The following GBP5 variants were observed in gnomAD, a reference collection of about 807,000 sequenced individuals.
GBP5 encodes the protein guanylate-binding protein 5.
A neutral mutation model predicts 58.2 loss-of-function variants in GBP5; 48 were observed. The observed-to-expected ratio is 0.83, with a 90% CI of 0.65 to 1.05. GBP5 has a LOEUF of 1.05. Ranked by LOEUF, GBP5 falls within the 50% of genes least tolerant of loss-of-function variation. The pLI is 0.00. For missense variants in GBP5, 714 were observed against 686.8 expected, an observed-to-expected ratio of 1.04 and a Z score of -0.44; for synonymous variants, 248 against 251.8, an observed-to-expected ratio of 0.98 and a Z score of 0.14.
chr1:89,269,125 C>G (rs1650339758), intron 3 of GBP5, among the ~76,000 whole-genome samples: 1 of 150,382 alleles, frequency 6.6e-6, no homozygotes, highest in South Asian at 2.1e-4. Flanking sequence ...TTACTCCTTA[C>G]AAGGAGAATA....
At position 89,266,533 on chromosome 1, in the gene GBP5, G is replaced by A; in HGVS notation, c.681C>T (p.Phe227=). The change falls in exon 7 of 12, where the codon TTC becomes TTT. Residue 227 remains phenylalanine, a synonymous_variant. Coordinates refer to ENST00000370459, the MANE Select transcript of GBP5 (RefSeq NM_052942.5). ...FNLPRLCIQK[F]FPKKKCFIFD... ...AGATAAAGCATTTCTTTTTTGGAAA[G>A]AACTTCTGTATACACAGACGGGGCA... 6.2e-7 allele frequency: 1 copy of A among 1,613,810 alleles called. No individual in the cohort carries two copies. Among genetic ancestry groups the A allele is most frequent in the Non-Finnish European group, 8.5e-7 (1 of 1,179,704 alleles).
Position 89,266,958 on chromosome 1 carries a change from T to C in GBP5, c.624A>G (p.Gln208=). Residue 208 remains glutamine, a splice_region_variant and synonymous_variant, in exon 6 of 12, where the codon CAA becomes CAG. Coordinates refer to ENST00000370459, the MANE Select transcript of GBP5 (RefSeq NM_052942.5). ...EYLENSLRPK[Q]GSDQRVQNFN... ...TTCTAAAACTGAAGTCCCTGTTACC[T>C]TGCTTTGGCCTTAGGGAATTCTCCA... The C allele has an allele frequency of 6.3e-7, 1 of 1,588,252 alleles. No homozygotes were observed. Among genetic ancestry groups the C allele is most frequent in the Non-Finnish European group, 8.5e-7 (1 of 1,172,912 alleles).
At position 89,262,270 on chromosome 1, in the gene GBP5, T is replaced by C. The variant is rs1339267683; in HGVS notation, c.1597A>G (p.Lys533Glu). The change falls in exon 11 of 12, where the codon AAA becomes GAA. Residue 533 changes from lysine to glutamate, a missense_variant. Lys to Glu is a moderately conservative substitution (Grantham distance 56). Transcript: ENST00000370459. ...TGTTGCTCTGCCAGCCAATTTTGTT[T>C]GGCTATCTCCATTTGTCTCACTTGT... ...QEQVRQMEIA[K>E]QNWLAEQQKM... is the part of the protein sequence containing the mutation. 8 of 1,614,218 alleles carry C rather than the reference T, an allele frequency of 5.0e-6. No homozygotes were observed. Among genetic ancestry groups the C allele is most frequent in the South Asian group, 1.1e-5 (1 of 91,088 alleles).
At chr1:89,262,439 G>A in intron 10 of GBP5, 38 bp from the exon 11 acceptor site, 2 of 1,551,870 alleles carry the variant, frequency 1.3e-6, no homozygotes, top group African/African-American at 1.4e-5. Flanking sequence ...GGATTAATGT[G>A]CCTCTTCCTT....
Position 89,262,218 on chromosome 1 carries a change from A to T in GBP5, c.1647+2T>A. 6.2e-7 allele frequency: 1 copy of T among 1,613,740 alleles called. No homozygotes were observed. The highest frequency in any genetic ancestry group is 8.5e-7 in the Non-Finnish European group (1 of 1,179,654). On this transcript the variant is annotated splice_donor_variant, in intron 11 of 11. Coordinates refer to ENST00000370459, the MANE Select transcript of GBP5 (RefSeq NM_052942.5). LOFTEE classifies it high-confidence loss of function. Reference sequence around the variant, plus strand: ...GGGAGAGATGAAACAATTGATGAATACCTGCATCTGTTGTTCCTGCATTTT... The same window carrying T: ...GGGAGAGATGAAACAATTGATGAATTCCTGCATCTGTTGTTCCTGCATTTT...
In GBP5 at chr1:89,269,265, T is replaced by C. The variant is rs567498512; in HGVS notation, c.190+101A>G. 77 of 1,177,694 alleles carry C rather than the reference T, an allele frequency of 6.5e-5. No individual in the cohort carries two copies. In the South Asian group the frequency reaches 9.8e-4, roughly 15 times the overall value. The allele number at this position is 1,177,694 out of a possible 1,614,324, so 73.0% of individuals were successfully genotyped here. On this transcript the variant is annotated intron_variant, in intron 3 of 11. Transcript: ENST00000370459. The stretch of plus-strand genomic sequence containing the variant: ...CTGTAGCCTAAACATTGGCTTTTAA[T>C]ATTCATCCTCATGTCTTACTCTCTC...
In GBP5 at chr1:89,266,480, A is replaced by G. The variant is rs1361752486; in HGVS notation, c.734T>C (p.Leu245Pro). The G allele has an allele frequency of 6.2e-7, 1 of 1,614,204 alleles. No homozygotes were observed. Among genetic ancestry groups the G allele is most frequent in the Non-Finnish European group, 8.5e-7 (1 of 1,180,014 alleles). The stretch of plus-strand genomic sequence containing the variant: ...ATCAGGCAGTGTTTCAAGTTGGGCA[A>G]GCTTTTTTTGGTGAGCAGGTAAGTC... ...IFDLPAHQKK[L>P]AQLETLPDDE... The change falls in exon 7 of 12, where the codon CTT (leucine) becomes CCT (proline). Residue 245 changes from leucine to proline, a missense_variant. By Grantham distance (98) the Leu-to-Pro change is moderately conservative. Transcript: ENST00000370459.
Position 89,259,092 on chromosome 1 carries a change from C to G in GBP5, c.*1612G>C, listed in dbSNP as rs1649893827. On this transcript the variant is annotated 3_prime_UTR_variant, in exon 12 of 12. Coordinates refer to ENST00000370459, the MANE Select transcript of GBP5 (RefSeq NM_052942.5). ...GATCATTTAACTTTAGCACTATAAG[C>G]AAGCATTAAATTAAATGCACTCAGA... The G allele has an allele frequency of 6.6e-6, 1 of 152,128 alleles. No individual in the cohort carries two copies. Among genetic ancestry groups the G allele is most frequent in the African/African-American group, 2.4e-5 (1 of 41,412 alleles). 9.4% of individuals were successfully genotyped at this position (152,128 alleles called of 1,614,324 possible).
At chr1:89,270,508 G>A (rs1424593630) in intron 2 of GBP5, 1 of 152,100 alleles carries the variant, frequency 6.6e-6, no homozygotes, top group Non-Finnish European at 1.5e-5. Context: ...CAATTATGAA[G>A]ACCCATTCTC....
At position 89,264,022 on chromosome 1, in the gene GBP5, A is replaced by G. The variant is rs575740633; in HGVS notation, c.1150-74T>C. ...ATTTCTGGAAATAATTCTGAAAAAGAATCTATATTTTTTTCTACAAACTTA... is the reference window on the plus strand; with the variant it reads ...ATTTCTGGAAATAATTCTGAAAAAGGATCTATATTTTTTTCTACAAACTTA... On this transcript the variant is annotated intron_variant, in intron 8 of 11. Coordinates refer to ENST00000370459, the MANE Select transcript of GBP5 (RefSeq NM_052942.5). 542 of 962,852 alleles carry G rather than the reference A, an allele frequency of 5.6e-4. 2 individuals carry two copies. In the African/African-American group the frequency reaches 8.4e-3, roughly 15 times the overall value. The allele number at this position is 962,852 out of a possible 1,614,324, so 59.6% of individuals were successfully genotyped here. A position where few individuals can be genotyped will look rare whatever the true frequency, so the allele number is the denominator to read the frequency against.
At chr1:89,271,074 C>G (rs1489631522) in intron 1 of GBP5, 1 of 152,156 alleles carries the variant, frequency 6.6e-6, no homozygotes, top group Non-Finnish European at 1.5e-5. Flanking sequence ...ATCTTTAATG[C>G]TTTTAGTAAA....
Position 89,267,076 on chromosome 1 carries a change from G to C in GBP5, c.506C>G (p.Ser169Cys). The C allele has an allele frequency of 1.2e-6, 2 of 1,613,466 alleles. No individual in the cohort carries two copies. The highest frequency in any genetic ancestry group is 1.7e-6 in the Non-Finnish European group (2 of 1,179,860). ...CACTAAGTCTGGGAAGAAGCTCGCA[G>C]AGTCAGCAGGATCTTCAACCCTGTC... ...DLDRVEDPADSASFFPDLVWT... is the reference protein window; with the variant it reads ...DLDRVEDPADCASFFPDLVWT... The change falls in exon 6 of 12, where the codon TCT becomes TGT. Residue 169 changes from serine (S) to cysteine (C), a missense_variant. Ser to Cys is a moderately radical substitution (Grantham distance 112). Transcript: ENST00000370459.
At chr1:89,265,625 G>A (rs928744138) in intron 7 of GBP5, among the ~76,000 whole-genome samples, 3 of 151,194 alleles carry the variant, frequency 2.0e-5, no homozygotes, top group Admixed American at 2.0e-4. Context: ...CTACTCAGGA[G>A]GCTGAGGCAG....
Position 89,267,012 on chromosome 1 carries a change from A to G in GBP5, c.570T>C (p.Asp190=). The change falls in exon 6 of 12, where the codon GAT becomes GAC. Residue 190 remains aspartate (D), a synonymous_variant. Transcript: ENST00000370459. ...LRDFCLGLEI[D]GQLVTPDEYL... ...ATTCATCTGGTGTGACAAGTTGCCC[A>G]TCTATTTCCAGGCCTAAGCAGAAAT... 3 of 1,612,058 alleles carry G rather than the reference A, an allele frequency of 1.9e-6. No homozygotes were observed. Among genetic ancestry groups the G allele is most frequent in the Non-Finnish European group, 2.5e-6 (3 of 1,179,644 alleles).
rs907589747 is a variant in GBP5, at chr1:89,267,464, C to T, written c.381G>A (p.Val127=). ...ALALLLSSTF[V]YNTVNKIDQG... Reference sequence around the variant, plus strand: ...GATCAATTTTGTTCACAGTATTGTACACAAAGGTGCTGCTCAGTAAGAGTG... The same window carrying T: ...GATCAATTTTGTTCACAGTATTGTATACAAAGGTGCTGCTCAGTAAGAGTG... Residue 127 remains valine, a synonymous_variant, in exon 5 of 12, where the codon GTG becomes GTA. Coordinates refer to ENST00000370459, the MANE Select transcript of GBP5 (RefSeq NM_052942.5). 18 of 1,613,806 alleles carry T rather than the reference C, an allele frequency of 1.1e-5. No homozygotes were observed. The highest frequency in any genetic ancestry group is 1.4e-5 in the Non-Finnish European group (17 of 1,179,866).
Position 89,264,728 on chromosome 1 carries a change from G to A in GBP5, c.1107C>T (p.Asn369=). The stretch of plus-strand genomic sequence containing the variant: ...AACTTTGGTCTACATCCTTGAAAGA[G>A]TTTTTCATGAAGACTTCAATGGCCT... ...EREAIEVFMK[N]SFKDVDQSFQ... The change falls in exon 8 of 12, where the codon AAC becomes AAT. Residue 369 remains asparagine, a synonymous_variant. Transcript: ENST00000370459. The A allele has an allele frequency of 6.2e-7, 1 of 1,614,186 alleles. No homozygotes were observed. Among genetic ancestry groups the A allele is most frequent in the Non-Finnish European group, 8.5e-7 (1 of 1,180,020 alleles).
In GBP5 at chr1:89,257,129, C is replaced by G. The variant is rs1316224849; in HGVS notation, c.*3575G>C. Among the ~76,000 whole-genome samples, 1 of 152,160 alleles carries G rather than the reference C, an allele frequency of 6.6e-6. No homozygotes were observed. Among genetic ancestry groups the G allele is most frequent in the Non-Finnish European group, 1.5e-5 (1 of 68,046 alleles). On this transcript the variant is annotated 3_prime_UTR_variant, in exon 12 of 12. Transcript: ENST00000370459. ...ATTTTCATACTGCTATGAAGAAATACTCAAGACTGGGTAATTTATAAAGGA... is the reference window on the plus strand; with the variant it reads ...ATTTTCATACTGCTATGAAGAAATAGTCAAGACTGGGTAATTTATAAAGGA...
rs1445756449 is a variant in GBP5, at chr1:89,272,443, C to G, written c.-128+9G>C. On this transcript the variant is annotated intron_variant, in intron 1 of 11. Transcript: ENST00000370459. ...TGCAAATCTCTTCCACCTCTTGCCC[C>G]AGTCTTACCGTGTCCGGAATTGGTG... The G allele has an allele frequency of 6.0e-6, 1 of 166,212 alleles. No homozygotes were observed. Among genetic ancestry groups the G allele is most frequent in the African/African-American group, 2.4e-5 (1 of 41,660 alleles). The allele number at this position is 166,212 out of a possible 1,614,324, so 10.3% of individuals were successfully genotyped here. A position where few individuals can be genotyped will look rare whatever the true frequency, so the allele number is the denominator to read the frequency against.
At chr1:89,264,658 C>A in intron 8 of GBP5, 28 bp downstream of exon 8, 5 of 1,603,596 alleles carry the variant, frequency 3.1e-6, no homozygotes, top group Non-Finnish European at 4.3e-6. Context: ...TGACCTTAAT[C>A]CCCATGAACT....
Sources: allele counts gnomAD v4.1 joint callset (sites outside exome capture counted in the v4.1 genomes callset), GRCh38; gene constraint gnomAD v4.1.1; transcripts MANE v1.5; gene names NCBI Gene and HGNC (gene_info 2026-07-23, HGNC 2026-07-21).